Variants in NID2 observed in about 807,000 individuals in gnomAD.
The protein encoded by NID2 is nidogen-2.
In NID2, 83 loss-of-function variants were observed where a neutral mutation model predicts 145.4. That is an observed-to-expected ratio of 0.57 (90% confidence interval 0.48 to 0.69). The LOEUF (loss-of-function observed/expected upper bound fraction) is 0.69. NID2 is among the 30% of genes least tolerant of loss of function. The pLI, the probability that NID2 is intolerant of heterozygous loss-of-function variation, is 0.00. For synonymous variants in NID2, 739 were observed against 701.3 expected (o/e 1.05, Z -0.85); for missense variants, 1,807 against 1,765.7 (o/e 1.02, Z -0.42).
rs758867330 is a variant in NID2, at chr14:52,042,880, T to C, written c.1481A>G (p.Gln494Arg). The change falls in exon 6 of 22, where the codon CAA becomes CGA. Residue 494 changes from glutamine (Q) to arginine (R), a missense_variant. By Grantham distance (43) the Gln-to-Arg change is conservative. Transcript: ENST00000216286. ...NKETCEHNHR[Q>R]CSRHAFCTDY... ...CGTGCAGAAGGCATGCCGGGAGCAT[T>C]GTCTGTGGTTGTGTTCACAGGTTTC... 6 of 1,614,172 alleles carry C rather than the reference T, an allele frequency of 3.7e-6. No individual in the cohort carries two copies. Among genetic ancestry groups the C allele is most frequent in the East Asian group, 2.2e-5 (1 of 44,878 alleles).
chr14:52,060,055 T>C lies in NID2; in HGVS notation c.767+69A>G, dbSNP rs1052972842. The stretch of plus-strand genomic sequence containing the variant: ...TATTATGTAATGGTCTTATGGTCAC[T>C]TGTGTTCAGGTACTTCCTAAAAGTC... On this transcript the variant is annotated intron_variant, in intron 3 of 21. Transcript: ENST00000216286. 94 of 1,130,886 alleles carry C rather than the reference T, an allele frequency of 8.3e-5. 1 individual carries two copies. Among genetic ancestry groups the C allele is most frequent in the Middle Eastern group, 7.1e-4 (3 of 4,202 alleles). 70.1% of individuals were successfully genotyped at this position (1,130,886 alleles called of 1,614,324 possible).
chr14:52,057,241 C>T (rs546739476), intron 3 of NID2, among the ~76,000 whole-genome samples: 1 of 152,138 alleles, frequency 6.6e-6, no homozygotes, highest in South Asian at 2.1e-4. Context: ...TTAGGTCTCG[C>T]TATGTTGCCC....
intron 19 of NID2, 89 bp downstream of exon 19, chr14:52,007,721 G>A (rs1151575): frequency 8.7e-7 from 1 of 1,153,150 alleles, no homozygotes; most frequent in Admixed American, 2.1e-5. Flanking sequence ...AGATCTAAGT[G>A]ATGGGATTTC....
intron 9 of NID2, among the ~76,000 whole-genome samples, chr14:52,030,544 G>GA (rs1169090056): frequency 4.2e-5 from 2 of 47,166 alleles, no homozygotes; most frequent in African/African-American, 1.5e-4. Flanking sequence ...AAGAAAGAAA[G>GA]AAAGAAAGAA....
chr14:52,053,185 T>C (rs1892731725), intron 5 of NID2, among the ~76,000 whole-genome samples: 1 of 152,152 alleles, frequency 6.6e-6, no homozygotes, highest in South Asian at 2.1e-4. Flanking sequence ...CCAGCACAAC[T>C]CACCACTTTA....
intron 3 of NID2, among the ~76,000 whole-genome samples, chr14:52,055,774 A>G (rs183731050): frequency 2.0e-5 from 3 of 152,364 alleles, no homozygotes; most frequent in Admixed American, 2.0e-4. Context: ...AAAGTCAGTC[A>G]ATGAGGAATA....
intron 5 of NID2, among the ~76,000 whole-genome samples, chr14:52,045,527 AG>A (rs1417919628): frequency 6.7e-6 from 1 of 148,346 alleles, no homozygotes; most frequent in Non-Finnish European, 1.5e-5. Context: ...TAACTTAAAC[AG>A]AAAAGTGATA....
At chr14:52,041,694 T>C (rs570704093) in intron 7 of NID2, among the ~76,000 whole-genome samples, 1 of 152,234 alleles carries the variant, frequency 6.6e-6, no homozygotes, top group Non-Finnish European at 1.5e-5. Flanking sequence ...CCTATACTAT[T>C]ATAGGTTGTG....
rs2140443802 is a variant in NID2, at chr14:52,068,918, A to G, written c.77T>C (p.Leu26Ser). 1 of 1,613,982 alleles carries G rather than the reference A, an allele frequency of 6.2e-7. No individual in the cohort carries two copies. Among genetic ancestry groups the G allele is most frequent in the Non-Finnish European group, 8.5e-7 (1 of 1,179,992 alleles). ...GTCTGGGTGCAGCGCCGCGGCCCGCAACATTAGCAACGGCAGCAGCAGTAG... is the reference window on the plus strand; with the variant it reads ...GTCTGGGTGCAGCGCCGCGGCCCGCGACATTAGCAACGGCAGCAGCAGTAG... ...PVLLLLPLLM[L>S]RAAALHPDEL... is the part of the protein sequence containing the mutation. Residue 26 changes from leucine (L) to serine (S), a missense_variant, in exon 1 of 22, where the codon TTG (leucine) becomes TCG (serine). By Grantham distance (145) the Leu-to-Ser change is moderately radical. Coordinates refer to ENST00000216286, the MANE Select transcript of NID2 (RefSeq NM_007361.4).
At chr14:52,067,620 CT>C (rs1237371316) in intron 2 of NID2, among the ~76,000 whole-genome samples, 1 of 152,212 alleles carries the variant, frequency 6.6e-6, no homozygotes, top group African/African-American at 2.4e-5. Flanking sequence ...CACTCCCGCT[CT>C]CATATCCGCT....
rs367562095 is a variant in NID2 at position 52,015,169 on chromosome 14, G to T, written c.3135C>A (p.Asp1045Glu). The T allele has an allele frequency of 6.2e-7, 1 of 1,614,068 alleles. No homozygotes were observed. The highest frequency in any genetic ancestry group is 1.1e-5 in the South Asian group (1 of 91,074). ...RDDQYVPQCD[D>E]LGHFIPLQCH... ...ACTGCAGGGGGATGAAGTGGCCCAG[G>T]TCATCGCACTGGGGCACGTACTGGT... The change falls in exon 15 of 22, where the codon GAC becomes GAA. Residue 1045 changes from aspartate to glutamate, a missense_variant. Asp to Glu is a conservative substitution (Grantham distance 45). Coordinates refer to ENST00000216286, the MANE Select transcript of NID2 (RefSeq NM_007361.4).
rs747193201 is a variant in NID2, at chr14:52,042,147, C to G, written c.1783G>C (p.Ala595Pro). ...PIGGLFGWLF[A>P]LEKPGSENGF... Reference sequence around the variant, plus strand: ...TTCTCAGAGCCAGGTTTTTCTAAAGCAAAGAGCCAGCCAAACAGGCCTCCA... The same window carrying G: ...TTCTCAGAGCCAGGTTTTTCTAAAGGAAAGAGCCAGCCAAACAGGCCTCCA... Residue 595 changes from alanine (A) to proline (P), a missense_variant, in exon 7 of 22, where the codon GCT becomes CCT. Transcript: ENST00000216286. 1.2e-6 allele frequency: 2 copies of G among 1,610,680 alleles called. No individual in the cohort carries two copies. The highest frequency in any genetic ancestry group is 2.2e-5 in the South Asian group (2 of 90,748).
Position 52,018,069 on chromosome 14 carries a change from G to A in NID2, c.3028+992C>T, listed in dbSNP as rs374865324. 3.0e-3 allele frequency among the ~76,000 whole-genome samples: 453 copies of A among 152,148 alleles called. 3 individuals are homozygous for A. Among genetic ancestry groups the A allele is most frequent in the South Asian group, 0.026 (126 of 4,812 alleles). On this transcript the variant is annotated intron_variant, in intron 14 of 21. Coordinates refer to ENST00000216286, the MANE Select transcript of NID2 (RefSeq NM_007361.4). The stretch of plus-strand genomic sequence containing the variant: ...CTTGACCTCGTGATCCACCCGCCTC[G>A]GCCTCCCAAAGTGCTGGGATTACAG...
At chr14:52,065,636 C>T (rs1418579067) in intron 2 of NID2, among the ~76,000 whole-genome samples, 1 of 112,254 alleles carries the variant, frequency 8.9e-6, no homozygotes, top group Non-Finnish European at 1.7e-5. Context: ...GTATATCTCC[C>T]AATGCTATCC....
intron 9 of NID2, among the ~76,000 whole-genome samples, chr14:52,037,660 A>G (rs1892119685): frequency 6.6e-6 from 1 of 152,200 alleles, no homozygotes; most frequent in African/African-American, 2.4e-5. Context: ...TAAATTCTAG[A>G]ATCAGCTTGC....
In NID2 at chr14:52,011,567, C is replaced by T. The variant is rs549035733; in HGVS notation, c.3537G>A (p.Thr1179=). The change falls in exon 17 of 22, where the codon ACG becomes ACA. Residue 1179 remains threonine, a synonymous_variant. Transcript: ENST00000216286. ...AGLELGAEPE[T]IVNSGLISPE... is the part of the protein sequence containing the mutation. ...GAAGCTGCTGACCTGAATTCACGAT[C>T]GTCTCAGGCTCTGCTCCCAGTTCCA... The T allele has an allele frequency of 8.7e-6, 14 of 1,614,182 alleles. No individual in the cohort carries two copies. Among genetic ancestry groups the T allele is most frequent in the East Asian group, 6.7e-5 (3 of 44,894 alleles).
chr14:52,005,515 G>T lies in NID2; in HGVS notation c.4118-19C>A, dbSNP rs780806229. 6.3e-7 allele frequency: 1 copy of T among 1,594,122 alleles called. No homozygotes were observed. Among genetic ancestry groups the T allele is most frequent in the Non-Finnish European group, 8.5e-7 (1 of 1,172,668 alleles). On this transcript the variant is annotated intron_variant, in intron 21 of 21. Transcript: ENST00000216286. ...TTTCTTCCTGTGAGAGAAGAGCAGG[G>T]GTGGGACAGGGTGGTGGGTGAGTAT...
chr14:52,047,813 G>T (rs1429461070), intron 5 of NID2, among the ~76,000 whole-genome samples: 2 of 152,106 alleles, frequency 1.3e-5, no homozygotes, highest in Admixed American at 1.3e-4. Context: ...TCACCAAGGG[G>T]TGAATAACAA....
At chr14:52,060,498 G>C (rs901179244) in intron 2 of NID2, 142 bp from the exon 3 acceptor site, 4 of 464,540 alleles carry the variant, frequency 8.6e-6, no homozygotes, top group Non-Finnish European at 1.5e-5. Flanking sequence ...CCTCCAAATT[G>C]TTTTTAAACA....
Sources: gnomAD v4.1 joint callset for allele counts (sites outside exome capture counted in the v4.1 genomes callset) on GRCh38, gnomAD v4.1.1 for gene constraint, MANE v1.5 for transcripts, NCBI Gene and HGNC (gene_info 2026-07-23, HGNC 2026-07-21) for gene names.